The following HCN1 variants were observed in gnomAD, a reference collection of about 807,000 sequenced individuals.
HCN1 encodes the protein potassium/sodium hyperpolarization-activated cyclic nucleotide-gated channel 1.
In HCN1, 13 loss-of-function variants were observed where a neutral mutation model predicts 78.9. That is an observed-to-expected ratio of 0.16 (90% CI 0.11 to 0.26). The LOEUF (loss-of-function observed/expected upper bound fraction) is 0.26, where lower values mean the gene tolerates loss of function less well. HCN1 is among the 10% of genes least tolerant of loss of function. The probability of loss-of-function intolerance (pLI) is 1.00; values close to 1 mark genes in which losing one functional copy is unlikely to be tolerated. For missense variants in HCN1, 810 were observed against 1,154.3 expected, an observed-to-expected ratio of 0.70 and a Z score of 4.32; for synonymous variants, 552 against 455.5, an observed-to-expected ratio of 1.21 and a Z score of -2.70.
At chr5:45,358,289 GA>G (rs1431805848) in intron 4 of HCN1, among the ~76,000 whole-genome samples, 6 of 152,048 alleles carry the variant, frequency 3.9e-5, no homozygotes, top group African/African-American at 1.4e-4. Flanking sequence ...TCTAATAGAA[GA>G]ATAGTAAGCA....
At chr5:45,436,760 T>A (rs181427500) in intron 3 of HCN1, among the ~76,000 whole-genome samples, 118 of 152,300 alleles carry the variant, frequency 7.7e-4, no homozygotes, top group Middle Eastern at 3.4e-3. Flanking sequence ...TTGGGCCAGA[T>A]CATCTAGGCT....
At chr5:45,646,695 TG>T (rs1273607491) in intron 1 of HCN1, among the ~76,000 whole-genome samples, 1 of 152,160 alleles carries the variant, frequency 6.6e-6, no homozygotes, top group Non-Finnish European at 1.5e-5. Context: ...TAAATTCACT[TG>T]ACATAACTAT....
intron 3 of HCN1, among the ~76,000 whole-genome samples, chr5:45,459,490 G>A (rs1444929851): frequency 6.8e-6 from 1 of 147,798 alleles, no homozygotes; most frequent in African/African-American, 2.5e-5. Flanking sequence ...TGAAGGTTGG[G>A]CTATGTTGGA....
At chr5:45,338,913 T>G (rs1208420643) in intron 5 of HCN1, among the ~76,000 whole-genome samples, 2 of 152,324 alleles carry the variant, frequency 1.3e-5, no homozygotes, top group South Asian at 4.1e-4. Flanking sequence ...ATTCTACTCA[T>G]GCTTTTTCCC....
chr5:45,414,557 T>C (rs994132534), intron 3 of HCN1, among the ~76,000 whole-genome samples: 1 of 152,042 alleles, frequency 6.6e-6, no homozygotes, highest in African/African-American at 2.4e-5. Flanking sequence ...GACTCCATGC[T>C]GTACTCCTCT....
At chr5:45,592,508 C>T (rs1443493375) in intron 2 of HCN1, among the ~76,000 whole-genome samples, 1 of 151,984 alleles carries the variant, frequency 6.6e-6, no homozygotes. Flanking sequence ...TATGTATTAT[C>T]ATATTTATAC....
At chr5:45,380,040 T>A (rs1747772198) in intron 4 of HCN1, among the ~76,000 whole-genome samples, 1 of 152,066 alleles carries the variant, frequency 6.6e-6, no homozygotes, top group African/African-American at 2.4e-5. Flanking sequence ...TAGGATCCAT[T>A]TGTCTTAGTC....
chr5:45,272,663 T>A (rs1319997731), intron 6 of HCN1, among the ~76,000 whole-genome samples: 1 of 152,100 alleles, frequency 6.6e-6, no homozygotes, highest in East Asian at 1.9e-4. Context: ...ACTTGCCAAA[T>A]GTTTTACGTA....
chr5:45,279,864 C>T (rs921994052), intron 6 of HCN1, among the ~76,000 whole-genome samples: 18 of 152,112 alleles, frequency 1.2e-4, no homozygotes, highest in African/African-American at 4.3e-4. Flanking sequence ...TTATCAAATA[C>T]TTAGCTGGTA....
chr5:45,327,692 A>G (rs1434550685), intron 5 of HCN1, among the ~76,000 whole-genome samples: 1 of 151,630 alleles, frequency 6.6e-6, no homozygotes, highest in African/African-American at 2.4e-5. Context: ...TGAAGAGGTA[A>G]TTAAGTTAAA....
chr5:45,369,915 T>C (rs1248664537), intron 4 of HCN1, among the ~76,000 whole-genome samples: 1 of 151,972 alleles, frequency 6.6e-6, no homozygotes, highest in Non-Finnish European at 1.5e-5. Context: ...TTTTCTTAAA[T>C]CAAGTTTTCA....
At chr5:45,304,821 T>G (rs764765761) in intron 5 of HCN1, among the ~76,000 whole-genome samples, 57 of 152,298 alleles carry the variant, frequency 3.7e-4, no homozygotes, top group Middle Eastern at 3.4e-3. Context: ...GTTTGTTTTA[T>G]TCCAGGATCA....
chr5:45,300,762 T>A (rs1255204965), intron 6 of HCN1, among the ~76,000 whole-genome samples: 2 of 152,070 alleles, frequency 1.3e-5, no homozygotes, highest in African/African-American at 2.4e-5. Flanking sequence ...CCCATCTAAC[T>A]TCAATACTCT....
intron 5 of HCN1, among the ~76,000 whole-genome samples, chr5:45,331,639 A>G (rs1746346153): frequency 6.6e-6 from 1 of 151,420 alleles, no homozygotes; most frequent in Non-Finnish European, 1.5e-5. Flanking sequence ...ACTCTTGAAC[A>G]CAAAGGTTAT....
At chr5:45,463,883 T>C (rs1201074656) in intron 2 of HCN1, among the ~76,000 whole-genome samples, 1 of 152,104 alleles carries the variant, frequency 6.6e-6, no homozygotes, top group African/African-American at 2.4e-5. Flanking sequence ...TTGCAGAATA[T>C]AAACTTCTGG....
At chr5:45,421,175 G>C (rs1384794143) in intron 3 of HCN1, among the ~76,000 whole-genome samples, 1 of 151,862 alleles carries the variant, frequency 6.6e-6, no homozygotes, top group Non-Finnish European at 1.5e-5. Context: ...CCATTCTCCT[G>C]CCTCAGCTTC....
At chr5:45,336,707 C>G (rs555021965) in intron 5 of HCN1, among the ~76,000 whole-genome samples, 1 of 151,992 alleles carries the variant, frequency 6.6e-6, no homozygotes, top group Non-Finnish European at 1.5e-5. Context: ...AAAATTATTT[C>G]TCACAGTTCT....
At chr5:45,554,900 G>A (rs1743441520) in intron 2 of HCN1, among the ~76,000 whole-genome samples, 1 of 151,756 alleles carries the variant, frequency 6.6e-6, no homozygotes, top group Admixed American at 6.6e-5. Flanking sequence ...ATTCATGGAG[G>A]CTCAGAAACT....
intron 1 of HCN1, among the ~76,000 whole-genome samples, chr5:45,675,500 C>A (rs1007684945): frequency 6.6e-6 from 1 of 151,766 alleles, no homozygotes; most frequent in African/African-American, 2.4e-5. Context: ...TACACACAGG[C>A]ATGCTGAACT....
Sources: allele counts gnomAD v4.1 joint callset (sites outside exome capture counted in the v4.1 genomes callset), GRCh38; gene constraint gnomAD v4.1.1; transcripts MANE v1.5; gene names NCBI Gene and HGNC (gene_info 2026-07-23, HGNC 2026-07-21).